Variants in TMEM131L observed in about 807,000 individuals in gnomAD.
TMEM131L encodes the protein transmembrane protein 131-like.
In TMEM131L, 54 loss-of-function variants were observed where a neutral mutation model predicts 192.2. The ratio of observed to expected loss-of-function variants is 0.28; its 90% confidence interval spans 0.23 to 0.35. TMEM131L has a LOEUF of 0.35. TMEM131L is among the 10% of genes least tolerant of loss of function. The pLI is 1.00. For missense variants in TMEM131L, 1,888 were observed against 1,972.9 expected (o/e 0.96, Z 0.82); for synonymous variants, 701 against 704.9 (o/e 0.99, Z 0.09).
In TMEM131L at chr4:153,634,290, C is replaced by CTTCAGACAATTG; in HGVS notation, c.4417+20_4417+21insTGTTCAGACAAT. 1 of 1,595,376 alleles carries CTTCAGACAATTG rather than the reference C, an allele frequency of 6.3e-7. No individual in the cohort carries two copies. The highest frequency in any genetic ancestry group is 8.6e-7 in the Non-Finnish European group (1 of 1,162,962). On this transcript the variant is annotated intron_variant, in intron 33 of 34. Coordinates refer to ENST00000409959, the MANE Select transcript of TMEM131L (RefSeq NM_001131007.2). The stretch of plus-strand genomic sequence containing the variant: ...AATGCCTTTCCAGAAGGTAAGGGCT[C>CTTCAGACAATTG]TTCAGACAATCCCAACGCCATTATT...
chr4:153,560,247 A>G (rs1728763520), intron 7 of TMEM131L, among the ~76,000 whole-genome samples: 2 of 152,206 alleles, frequency 1.3e-5, no homozygotes, highest in African/African-American at 4.8e-5. Flanking sequence ...GGACCATCTG[A>G]TTGAGCTTCC....
chr4:153,510,787 A>G (rs1229569478), intron 3 of TMEM131L, among the ~76,000 whole-genome samples: 1 of 151,876 alleles, frequency 6.6e-6, no homozygotes, highest in Non-Finnish European at 1.5e-5. Flanking sequence ...AGGGCACTGA[A>G]GTGTGGGAGG....
At chr4:153,499,454 G>A (rs80259713) in intron 3 of TMEM131L, among the ~76,000 whole-genome samples, 4,172 of 145,950 alleles carry the variant, frequency 0.029, 119 homozygotes, top group South Asian at 0.069. Context: ...TTTGAGATGC[G>A]TCTCGCTCTG....
intron 3 of TMEM131L, among the ~76,000 whole-genome samples, chr4:153,544,320 G>A (rs941151630): frequency 1.1e-4 from 17 of 152,222 alleles, no homozygotes; most frequent in African/African-American, 4.1e-4. Flanking sequence ...GCCCTCTTCT[G>A]AAACACTGTG....
chr4:153,500,676 A>G (rs957900422), intron 3 of TMEM131L, among the ~76,000 whole-genome samples: 1 of 152,148 alleles, frequency 6.6e-6, no homozygotes, highest in African/African-American at 2.4e-5. Flanking sequence ...TCTCTTTCTC[A>G]ATATACACTT....
intron 1 of TMEM131L, 131 bp downstream of exon 1, chr4:153,466,652 T>C: frequency 1.1e-6 from 1 of 901,566 alleles, no homozygotes; most frequent in East Asian, 3.5e-5. Flanking sequence ...AGGAAAGCTG[T>C]TGCGATTCTC....
chr4:153,529,212 G>C (rs1315207032), intron 3 of TMEM131L, among the ~76,000 whole-genome samples: 1 of 152,160 alleles, frequency 6.6e-6, no homozygotes, highest in Non-Finnish European at 1.5e-5. Context: ...GTTCCATAGA[G>C]AGTCAGTTGT....
intron 3 of TMEM131L, among the ~76,000 whole-genome samples, chr4:153,479,078 G>T (rs536163268): frequency 6.6e-6 from 1 of 152,320 alleles, no homozygotes; most frequent in South Asian, 2.1e-4. Context: ...AGAATCTAAA[G>T]AGTGAGGAGG....
At position 153,585,567 on chromosome 4, in the gene TMEM131L, T is replaced by G. The variant is rs887127663; in HGVS notation, c.1267T>G (p.Leu423Val). 6.2e-7 allele frequency: 1 copy of G among 1,614,036 alleles called. No homozygotes were observed. The highest frequency in any genetic ancestry group is 1.3e-5 in the African/African-American group (1 of 75,052). ...CAACCATTTTGACCGTAGTGTTGTA[T>G]TAAATGATGTGTTTCTTTCCAAGGA... Reference protein sequence around the residue: ...YRNHFDRSVVLNDVFLSKETK... With the variant: ...YRNHFDRSVVVNDVFLSKETK... The change falls in exon 13 of 35, where the codon TTA (leucine) becomes GTA (valine). Residue 423 changes from leucine (L) to valine (V), a missense_variant. By Grantham distance (32) the Leu-to-Val change is conservative (BLOSUM62 1). Transcript: ENST00000409959.
At chr4:153,506,859 AAAG>A (rs1339113572) in intron 3 of TMEM131L, among the ~76,000 whole-genome samples, 4 of 150,146 alleles carry the variant, frequency 2.7e-5, no homozygotes, top group East Asian at 1.9e-4. Context: ...AAAAAAAAAA[AAAG>A]AAGAAAGAAA....
At position 153,604,253 on chromosome 4, in the gene TMEM131L, C is replaced by T; in HGVS notation, c.3241C>T (p.Gln1081Ter). The change falls in exon 25 of 35, where the codon CAG (glutamine) becomes TAG (stop). Residue 1081 changes from glutamine to a stop codon, truncating the protein, a stop_gained. Coordinates refer to ENST00000409959, the MANE Select transcript of TMEM131L (RefSeq NM_001131007.2). LOFTEE classifies it high-confidence loss of function. Reference sequence around the variant, plus strand: ...AGAATGTAGTATGAAGGAGGGAATACAGACATGTATGTTTCCTAAGGAAAC... The same window carrying T: ...AGAATGTAGTATGAAGGAGGGAATATAGACATGTATGTTTCCTAAGGAAAC... ...SSECSMKEGI[Q>*]TCMFPKETDI... is the part of the protein sequence containing the mutation. The T allele has an allele frequency of 6.2e-7, 1 of 1,614,052 alleles. No individual in the cohort carries two copies. The highest frequency in any genetic ancestry group is 8.5e-7 in the Non-Finnish European group (1 of 1,179,956).
intron 9 of TMEM131L, among the ~76,000 whole-genome samples, chr4:153,582,031 G>C (rs967653637): frequency 3.9e-5 from 6 of 152,180 alleles, no homozygotes; most frequent in Non-Finnish European, 7.3e-5. Flanking sequence ...TTGGAAATGT[G>C]TGTCCTACTT....
chr4:153,572,481 T>G (rs1404806925), intron 7 of TMEM131L, among the ~76,000 whole-genome samples: 2 of 151,932 alleles, frequency 1.3e-5, no homozygotes, highest in Admixed American at 6.6e-5. Flanking sequence ...CAGGTGCCCA[T>G]GACCACGCCC....
intron 1 of TMEM131L, among the ~76,000 whole-genome samples, 165 bp downstream of exon 1, chr4:153,466,686 A>T (rs979851128): frequency 1.3e-5 from 2 of 152,122 alleles, no homozygotes; most frequent in Non-Finnish European, 2.9e-5. Context: ...TTCTGACCAC[A>T]GCGTCCCGTC....
chr4:153,501,071 C>T (rs1733572114), intron 3 of TMEM131L, among the ~76,000 whole-genome samples: 2 of 152,122 alleles, frequency 1.3e-5, no homozygotes, highest in Non-Finnish European at 2.9e-5. Context: ...ACGCCAAGTA[C>T]CCTGCACAGT....
Position 153,578,670 on chromosome 4 carries a change from G to A in TMEM131L, c.661-2156G>A, listed in dbSNP as rs368724044. ...CGAGTAGCTGGGACTACAGGCACCC[G>A]CCACCACACCCAGCTAATTTTTTGT... On this transcript the variant is annotated intron_variant, in intron 7 of 34. Coordinates refer to ENST00000409959, the MANE Select transcript of TMEM131L (RefSeq NM_001131007.2). Among the ~76,000 whole-genome samples, 19 of 152,024 alleles carry A rather than the reference G, an allele frequency of 1.2e-4. No individual in the cohort carries two copies. The South Asian group carries it at 3.1e-3, about 25-fold the overall frequency.
In TMEM131L at chr4:153,587,820, T is replaced by G. The variant is rs1730800245; in HGVS notation, c.1552+9T>G. On this transcript the variant is annotated intron_variant, in intron 15 of 34. Coordinates refer to ENST00000409959, the MANE Select transcript of TMEM131L (RefSeq NM_001131007.2). ...GGGAAAATCAAAAGCAGGTAAGTAT[T>G]TTGCCCTTAGGCTTTCTGTAGATCT... 1 of 1,606,842 alleles carries G rather than the reference T, an allele frequency of 6.2e-7. No homozygotes were observed. The highest frequency in any genetic ancestry group is 8.5e-7 in the Non-Finnish European group (1 of 1,173,564).
chr4:153,602,447 T>C, intron 22 of TMEM131L, 95 bp from the exon 23 acceptor site: 16 of 1,525,804 alleles, frequency 1.0e-5, no homozygotes, highest in Non-Finnish European at 1.4e-5. Context: ...ATGTAAATAT[T>C]TCTTTTGTAG....
intron 4 of TMEM131L, among the ~76,000 whole-genome samples, chr4:153,554,980 T>C (rs1737885046): frequency 6.6e-6 from 1 of 152,130 alleles, no homozygotes; most frequent in African/African-American, 2.4e-5. Flanking sequence ...CATGAATTAG[T>C]GTATTTGCCA....
Sources: gnomAD v4.1 joint callset for allele counts (sites outside exome capture counted in the v4.1 genomes callset) on GRCh38, gnomAD v4.1.1 for gene constraint, MANE v1.5 for transcripts, NCBI Gene and HGNC (gene_info 2026-07-23, HGNC 2026-07-21) for gene names.